LMBRD1: variants seen among roughly 807,000 people sequenced by gnomAD.
LMBRD1 encodes the protein LMBR1 domain containing 1.
LMBRD1 carries 64 observed loss-of-function variants against 74.8 expected under a neutral mutation model. The observed-to-expected ratio is 0.86, with a 90% CI of 0.70 to 1.05. LMBRD1 has a LOEUF of 1.05. LMBRD1 is among the 50% of genes least tolerant of loss of function. The pLI, the probability that LMBRD1 is intolerant of heterozygous loss-of-function variation, is 0.00. For synonymous variants in LMBRD1, 204 were observed against 216.3 expected, an observed-to-expected ratio of 0.94 and a Z score of 0.50; for missense variants, 652 against 645.9, an observed-to-expected ratio of 1.01 and a Z score of -0.10.
chr6:69,719,412 A>T (rs766941264), intron 7 of LMBRD1, among the ~76,000 whole-genome samples: 17 of 152,258 alleles, frequency 1.1e-4, no homozygotes, highest in East Asian at 5.8e-4. Flanking sequence ...AAAAAAATTT[A>T]AAAAAATGAT....
intron 8 of LMBRD1, 128 bp from the exon 9 acceptor site, chr6:69,713,925 A>T: frequency 1.1e-6 from 1 of 927,172 alleles, no homozygotes; most frequent in Non-Finnish European, 1.7e-6. Flanking sequence ...ACAAACTAAA[A>T]AAAACCTGAC....
chr6:69,699,079 T>C lies in LMBRD1; in HGVS notation c.1302A>G (p.Gln434=), dbSNP rs1489571655. ...AATTTTGGCTTCCATACATAACATATTGGGGAGCAAGACTATAAATCATGT... is the reference window on the plus strand; with the variant it reads ...AATTTTGGCTTCCATACATAACATACTGGGGAGCAAGACTATAAATCATGT... ...TSYMIYSLAP[Q]YVMYGSQNYL... is the part of the protein sequence containing the mutation. Residue 434 remains glutamine, a synonymous_variant, in exon 13 of 16, where the codon CAA becomes CAG. Coordinates refer to ENST00000649934, the MANE Select transcript of LMBRD1 (RefSeq NM_018368.4). 3.1e-6 allele frequency: 5 copies of C among 1,607,064 alleles called. No individual in the cohort carries two copies. The highest frequency in any genetic ancestry group is 2.7e-5 in the African/African-American group (2 of 74,714).
At chr6:69,787,357 A>C (rs1765975645) in intron 2 of LMBRD1, among the ~76,000 whole-genome samples, 1 of 152,198 alleles carries the variant, frequency 6.6e-6, no homozygotes, top group South Asian at 2.1e-4. Context: ...ATACAGACAC[A>C]CAGAATGTTT....
At chr6:69,720,585 TA>T (rs1464258906) in intron 7 of LMBRD1, among the ~76,000 whole-genome samples, 1 of 152,162 alleles carries the variant, frequency 6.6e-6, no homozygotes, top group Non-Finnish European at 1.5e-5. Context: ...GTATATTTGG[TA>T]TATTTTTTGG....
At chr6:69,777,774 G>T (rs772258290) in intron 3 of LMBRD1, among the ~76,000 whole-genome samples, 4 of 152,190 alleles carry the variant, frequency 2.6e-5, no homozygotes, top group African/African-American at 4.8e-5. Flanking sequence ...GTTAGATCAT[G>T]AAAATATGTT....
chr6:69,703,203 T>C (rs1024193278), intron 9 of LMBRD1, among the ~76,000 whole-genome samples: 2 of 152,076 alleles, frequency 1.3e-5, no homozygotes, highest in Non-Finnish European at 2.9e-5. Context: ...AACTGCTCAT[T>C]AGTAGAGGGT....
intron 12 of LMBRD1, among the ~76,000 whole-genome samples, 176 bp from the exon 13 acceptor site, chr6:69,699,368 C>A (rs768029045): frequency 1.3e-5 from 2 of 151,830 alleles, no homozygotes; most frequent in African/African-American, 2.4e-5. Context: ...TTCACATGGT[C>A]TATTTCCAGA....
At chr6:69,743,455 G>A (rs554607186) in intron 5 of LMBRD1, among the ~76,000 whole-genome samples, 82 of 152,248 alleles carry the variant, frequency 5.4e-4, no homozygotes, top group Admixed American at 1.1e-3. Flanking sequence ...CAACTCCTGA[G>A]CAGAATTATC....
At chr6:69,699,500 T>C (rs1766081528) in intron 12 of LMBRD1, among the ~76,000 whole-genome samples, 2 of 151,846 alleles carry the variant, frequency 1.3e-5, no homozygotes, top group East Asian at 1.9e-4. Context: ...ATCAGTAATA[T>C]ACTATGGTTT....
intron 9 of LMBRD1, among the ~76,000 whole-genome samples, chr6:69,708,999 C>A (rs1280177454): frequency 6.6e-6 from 1 of 152,160 alleles, no homozygotes; most frequent in East Asian, 1.9e-4. Context: ...CTTTGGGAGG[C>A]TGAGGCAGGC....
chr6:69,705,200 T>C, intron 9 of LMBRD1: 1 of 567,152 alleles, frequency 1.8e-6, no homozygotes, highest in Non-Finnish European at 3.3e-6. Flanking sequence ...GTTCCCACTC[T>C]GCATTATAAA....
At chr6:69,780,432 C>T (rs955167325) in intron 3 of LMBRD1, 62 bp downstream of exon 3, 16 of 1,207,798 alleles carry the variant, frequency 1.3e-5, no homozygotes, top group Non-Finnish European at 1.7e-5. Flanking sequence ...CTCCACTCAT[C>T]GGAGTCGTAT....
chr6:69,764,553 C>T (rs1474505455), intron 3 of LMBRD1, among the ~76,000 whole-genome samples: 2 of 152,142 alleles, frequency 1.3e-5, no homozygotes, highest in Admixed American at 6.6e-5. Flanking sequence ...TCATTGAAAA[C>T]GTAATTTACA....
In LMBRD1 at chr6:69,719,008, T is replaced by C. The variant is rs752027606; in HGVS notation, c.710A>G (p.Asn237Ser). ...TTCTACTTCTTCAATGTCTTCAGTG[T>C]TTTCCAAACGTTCATAAGCAGCGCT... ...TRSAAYERLE[N>S]TEDIEEVEQH... is the part of the protein sequence containing the mutation. Residue 237 changes from asparagine to serine, a missense_variant, in exon 8 of 16, where the codon AAC becomes AGC. By Grantham distance (46) the Asn-to-Ser change is conservative (BLOSUM62 1). Around this residue, in one of 3 missense-constraint regions of LMBRD1, gnomAD observed 598 missense variants for 581.8 expected, o/e 1.03. Coordinates refer to ENST00000649934, the MANE Select transcript of LMBRD1 (RefSeq NM_018368.4). 6 of 1,613,400 alleles carry C rather than the reference T, an allele frequency of 3.7e-6. No individual in the cohort carries two copies. The highest frequency in any genetic ancestry group is 5.1e-6 in the Non-Finnish European group (6 of 1,179,572).
intron 15 of LMBRD1, 89 bp downstream of exon 15, chr6:69,676,361 C>T (rs1043480586): frequency 3.2e-6 from 5 of 1,572,310 alleles, no homozygotes; most frequent in Non-Finnish European, 3.5e-6. Context: ...TACTATGATA[C>T]AAATGGCCTA....
intron 9 of LMBRD1, among the ~76,000 whole-genome samples, chr6:69,710,979 C>A (rs571234992): frequency 6.6e-6 from 1 of 150,740 alleles, no homozygotes; most frequent in African/African-American, 2.4e-5. Context: ...AATGAAAGCA[C>A]ATCTACACAA....
chr6:69,715,040 T>C (rs914880015), intron 8 of LMBRD1, among the ~76,000 whole-genome samples: 1 of 152,086 alleles, frequency 6.6e-6, no homozygotes, highest in Admixed American at 6.6e-5. Context: ...CAGACTATAT[T>C]CCATTCCTCT....
intron 7 of LMBRD1, among the ~76,000 whole-genome samples, chr6:69,735,170 G>A (rs1766947600): frequency 6.6e-6 from 1 of 152,182 alleles, no homozygotes; most frequent in Non-Finnish European, 1.5e-5. Context: ...GGTGGCTGGA[G>A]CCTATCCCAC....
At chr6:69,713,856 C>A (rs1202723301) in intron 8 of LMBRD1, 59 bp from the exon 9 acceptor site, 3 of 1,580,176 alleles carry the variant, frequency 1.9e-6, no homozygotes, top group Non-Finnish European at 2.6e-6. Context: ...AAGTACCCAG[C>A]AGATTTAGCA....
Sources: gnomAD v4.1 joint callset for allele counts (sites outside exome capture counted in the v4.1 genomes callset) on GRCh38, gnomAD v4.1.1 for gene constraint, gnomAD v4.1.1 regional missense constraint, MANE v1.5 for transcripts, NCBI Gene and HGNC (gene_info 2026-07-23, HGNC 2026-07-21) for gene names.